ANKS1B: variants seen among roughly 807,000 people sequenced by gnomAD.
ANKS1B encodes ankyrin repeat and sterile alpha motif domain containing 1B, also known as ankyrin repeat and sterile alpha motif domain-containing protein 1B.
ANKS1B carries 36 observed loss-of-function variants against 148.3 expected under a neutral mutation model. The observed-to-expected ratio is 0.24, with a 90% confidence interval of 0.19 to 0.32. The LOEUF is 0.32. Among genes scored for constraint, ANKS1B ranks in the 10% least tolerant of loss-of-function variants. The pLI, the probability that ANKS1B is intolerant of heterozygous loss-of-function variation, is 1.00. For missense variants in ANKS1B, 1,157 were observed against 1,542.6 expected (o/e 0.75, Z 4.19); for synonymous variants, 542 against 560.8 (o/e 0.97, Z 0.47).
chr12:98,892,217 G>C (rs2099754175), intron 17 of ANKS1B, among the ~76,000 whole-genome samples: 1 of 152,170 alleles, frequency 6.6e-6, no homozygotes, highest in Non-Finnish European at 1.5e-5. Context: ...CAATGCCACA[G>C]CATTTATTTC....
chr12:99,556,293 C>T lies in ANKS1B; in HGVS notation c.1273-51652G>A, dbSNP rs562489375. 2.6e-5 allele frequency among the ~76,000 whole-genome samples: 4 copies of T among 152,140 alleles called. No individual in the cohort carries two copies. In the East Asian group the frequency reaches 5.8e-4, roughly 22 times the overall value. ...AGTAGTAATGTTCCCTTTGTCTTTT[C>T]TGGTTGTGTTTATTTGGATCTTCTC... On this transcript the variant is annotated intron_variant, in intron 9 of 26. Transcript: ENST00000683438.
At chr12:99,514,498 G>T (rs2096796398) in intron 9 of ANKS1B, among the ~76,000 whole-genome samples, 1 of 151,946 alleles carries the variant, frequency 6.6e-6, no homozygotes, top group African/African-American at 2.4e-5. Context: ...TATTTTATTT[G>T]CCCAGATGAT....
Position 99,688,892 on chromosome 12 carries a change from A to G in ANKS1B, c.1129-33682T>C, listed in dbSNP as rs545097950. Among the ~76,000 whole-genome samples the G allele has an allele frequency of 1.9e-3, 282 of 152,144 alleles. 1 individual carries two copies. Among genetic ancestry groups the G allele is most frequent in the Middle Eastern group, 3.4e-3 (1 of 294 alleles). On this transcript the variant is annotated intron_variant, in intron 8 of 26. Coordinates refer to ENST00000683438, the MANE Select transcript of ANKS1B (RefSeq NM_001352186.2). ...CAAGTGCTAAATTTAAAAAAAAAAA[A>G]AGAGAGAAAATGCAAGTTACAAAAG...
rs2098606673 is a variant in ANKS1B, at chr12:98,772,876, C to G, written c.3579+166G>C. 8.8e-6 allele frequency: 6 copies of G among 685,114 alleles called. No individual in the cohort carries two copies. In the South Asian group the frequency reaches 9.1e-5, roughly 10 times the overall value. 42.4% of individuals were successfully genotyped at this position (685,114 alleles called of 1,614,324 possible). On this transcript the variant is annotated intron_variant, in intron 25 of 26. Coordinates refer to ENST00000683438, the MANE Select transcript of ANKS1B (RefSeq NM_001352186.2). ...ATTTCTGCCATTTAAGCCTCTCGGT[C>G]TGTGGTACTTTGTTATGGCAGCCCT...
intron 15 of ANKS1B, among the ~76,000 whole-genome samples, chr12:99,086,270 A>C (rs868075558): frequency 2.6e-5 from 4 of 152,214 alleles, no homozygotes; most frequent in Non-Finnish European, 4.4e-5. Context: ...TGGGTGGTTA[A>C]GGCATAGCAC....
chr12:99,108,900 A>G (rs1260222420), intron 15 of ANKS1B, among the ~76,000 whole-genome samples: 1 of 152,218 alleles, frequency 6.6e-6, no homozygotes, highest in Non-Finnish European at 1.5e-5. Context: ...TGGAATGGAC[A>G]AAAGAGAAAG....
chr12:99,254,747 T>C (rs774643392), intron 12 of ANKS1B, among the ~76,000 whole-genome samples: 8 of 152,188 alleles, frequency 5.3e-5, no homozygotes, highest in Non-Finnish European at 1.2e-4. Flanking sequence ...ATAAAGAATG[T>C]TTTTCTGCAT....
chr12:99,650,545 G>A (rs572748121), intron 9 of ANKS1B, among the ~76,000 whole-genome samples: 1 of 152,218 alleles, frequency 6.6e-6, no homozygotes, highest in East Asian at 1.9e-4. Flanking sequence ...TTAATTAACT[G>A]CTTTGCAATT....
At chr12:99,653,119 G>A (rs761595073) in intron 9 of ANKS1B, among the ~76,000 whole-genome samples, 42 of 152,160 alleles carry the variant, frequency 2.8e-4, no homozygotes, top group Non-Finnish European at 3.8e-4. Context: ...CAAGGAAATG[G>A]CCAAAGGTAA....
At chr12:99,309,606 T>G (rs2082863970) in intron 12 of ANKS1B, among the ~76,000 whole-genome samples, 2 of 152,036 alleles carry the variant, frequency 1.3e-5, no homozygotes, top group Admixed American at 1.3e-4. Context: ...CACACATACA[T>G]CTAGTCACAC....
At chr12:98,966,936 G>GT (rs1487598308) in intron 17 of ANKS1B, among the ~76,000 whole-genome samples, 2 of 152,066 alleles carry the variant, frequency 1.3e-5, no homozygotes, top group Admixed American at 1.3e-4. Context: ...TATACCTAAT[G>GT]TAAATGACGA....
intron 14 of ANKS1B, among the ~76,000 whole-genome samples, chr12:99,204,107 T>C (rs1041889203): frequency 2.6e-5 from 4 of 152,252 alleles, no homozygotes; most frequent in Non-Finnish European, 4.4e-5. Flanking sequence ...AACTCTTATT[T>C]TGGTAACCTG....
chr12:99,320,207 T>C (rs1602857895), intron 12 of ANKS1B, among the ~76,000 whole-genome samples: 1 of 152,164 alleles, frequency 6.6e-6, no homozygotes, highest in Non-Finnish European at 1.5e-5. Flanking sequence ...TTTGTGGCAT[T>C]CTCTGTATCT....
chr12:99,312,059 G>A (rs756340690), intron 12 of ANKS1B, among the ~76,000 whole-genome samples: 14 of 152,134 alleles, frequency 9.2e-5, no homozygotes, highest in Non-Finnish European at 1.8e-4. Context: ...TGTCACAATA[G>A]CATCGAAATA....
At chr12:99,674,693 T>C (rs1337773716) in intron 8 of ANKS1B, among the ~76,000 whole-genome samples, 2 of 151,730 alleles carry the variant, frequency 1.3e-5, no homozygotes, top group East Asian at 3.9e-4. Flanking sequence ...AAGTCTTCTG[T>C]GGGAAAAAAT....
intron 17 of ANKS1B, among the ~76,000 whole-genome samples, chr12:98,957,433 C>T (rs1001676950): frequency 2.0e-5 from 3 of 151,734 alleles, no homozygotes; most frequent in Non-Finnish European, 4.4e-5. Context: ...CTGCAAGCTC[C>T]GCCTCCTGGG....
chr12:99,970,389 C>T (rs996950098), intron 1 of ANKS1B, among the ~76,000 whole-genome samples: 9 of 152,074 alleles, frequency 5.9e-5, no homozygotes, highest in Non-Finnish European at 7.4e-5. Context: ...CAAACTTGTA[C>T]GCTTTATCTG....
At chr12:99,947,266 A>G (rs933701410) in intron 1 of ANKS1B, among the ~76,000 whole-genome samples, 4 of 151,754 alleles carry the variant, frequency 2.6e-5, no homozygotes, top group African/African-American at 9.7e-5. Flanking sequence ...AAAAAAAAAA[A>G]AAACAGAAAA....
chr12:99,064,647 G>A (rs1305552035), intron 16 of ANKS1B, among the ~76,000 whole-genome samples: 4 of 152,204 alleles, frequency 2.6e-5, no homozygotes, highest in Non-Finnish European at 5.9e-5. Context: ...GTCAGGCACT[G>A]CTCTTTTTAG....
Sources: allele counts gnomAD v4.1 joint callset (sites outside exome capture counted in the v4.1 genomes callset), GRCh38; gene constraint gnomAD v4.1.1; transcripts MANE v1.5; gene names NCBI Gene and HGNC (gene_info 2026-07-23, HGNC 2026-07-21).